Variants in GRIN2A observed in about 807,000 individuals in gnomAD.
GRIN2A encodes the protein glutamate ionotropic receptor NMDA type subunit 2A, also known as glutamate receptor ionotropic, NMDA 2A.
Under a neutral mutation model 113.4 loss-of-function variants are expected in GRIN2A, and 22 were observed. The observed-to-expected ratio is 0.19, with a 90% CI of 0.14 to 0.28. GRIN2A has a LOEUF of 0.28. GRIN2A is among the 10% of genes least tolerant of loss of function. The pLI is 1.00. For missense variants in GRIN2A, 1,502 were observed against 1,887.0 expected, an observed-to-expected ratio of 0.80 and a Z score of 3.78; for synonymous variants, 827 against 738.4, an observed-to-expected ratio of 1.12 and a Z score of -1.94.
Position 10,180,477 on chromosome 16 carries a change from A to G in GRIN2A, c.-18-48T>C. ...CAGGGCCGCGGTGAGCAAGGCGACC[A>G]GAAGAAAGGGATTACCAACTTGGCT... On this transcript the variant is annotated intron_variant, in intron 1 of 12. Transcript: ENST00000330684. This position sits in a 1 kb window ranked among gnomAD's most constrained non-coding sequence, Gnocchi z 7.0. 7 of 1,557,562 alleles carry G rather than the reference A, an allele frequency of 4.5e-6. No individual in the cohort carries two copies. Among genetic ancestry groups the G allele is most frequent in the African/African-American group, 1.3e-5 (1 of 74,128 alleles).
chr16:9,830,868 G>A (rs762721940), intron 8 of GRIN2A, among the ~76,000 whole-genome samples: 2 of 152,320 alleles, frequency 1.3e-5, no homozygotes, highest in Non-Finnish European at 2.9e-5. Flanking sequence ...CAAGAGGCAG[G>A]AAATTCTTGG....
chr16:10,041,321 A>G (rs996313670), intron 2 of GRIN2A, among the ~76,000 whole-genome samples: 1 of 152,190 alleles, frequency 6.6e-6, no homozygotes, highest in African/African-American at 2.4e-5. Flanking sequence ...CATATTTTCA[A>G]TGTATTGGGT....
chr16:10,011,783 C>G (rs1332018378), intron 2 of GRIN2A, among the ~76,000 whole-genome samples: 1 of 152,154 alleles, frequency 6.6e-6, no homozygotes, highest in African/African-American at 2.4e-5. Flanking sequence ...ATGACGTTCA[C>G]CAAGCATCGT....
At chr16:9,779,042 G>A (rs1191519138) in intron 11 of GRIN2A, among the ~76,000 whole-genome samples, 2 of 152,366 alleles carry the variant, frequency 1.3e-5, no homozygotes, top group South Asian at 4.1e-4. Flanking sequence ...CAAGAATGAA[G>A]AGTCAGCCCG....
intron 2 of GRIN2A, among the ~76,000 whole-genome samples, chr16:9,989,429 TA>T (rs35351973): frequency 0.73 from 110,848 of 151,922 alleles, 40,542 homozygotes; most frequent in Middle Eastern, 0.83. Context: ...CCTCAAACTA[TA>T]AAAAAATCCT....
At chr16:10,056,678 G>C (rs1295008836) in intron 2 of GRIN2A, among the ~76,000 whole-genome samples, 1 of 152,078 alleles carries the variant, frequency 6.6e-6, no homozygotes, top group African/African-American at 2.4e-5. Context: ...CACACACAAG[G>C]AGAAGGCCAC....
At chr16:9,965,123 T>C (rs1362116190) in intron 2 of GRIN2A, among the ~76,000 whole-genome samples, 2 of 152,188 alleles carry the variant, frequency 1.3e-5, no homozygotes, top group Non-Finnish European at 2.9e-5. Flanking sequence ...GAGTTTCCAT[T>C]TAGGCAAAAG....
chr16:10,042,585 C>T (rs750082724), intron 2 of GRIN2A, among the ~76,000 whole-genome samples: 2 of 152,156 alleles, frequency 1.3e-5, no homozygotes, highest in Admixed American at 6.5e-5. Flanking sequence ...TCCACATAAT[C>T]AGTAAGATAA....
intron 2 of GRIN2A, among the ~76,000 whole-genome samples, chr16:9,950,973 T>A (rs967226638): frequency 2.6e-5 from 4 of 152,216 alleles, no homozygotes; most frequent in Non-Finnish European, 4.4e-5. Flanking sequence ...ATGTCAAAAC[T>A]AATTAATTTA....
intron 2 of GRIN2A, among the ~76,000 whole-genome samples, chr16:10,091,457 T>TACACAC (rs35961930): frequency 7.5e-5 from 11 of 145,732 alleles, no homozygotes; most frequent in African/African-American, 2.5e-4. Flanking sequence ...TGTGTGTGTA[T>TACACAC]ACACACACAC....
chr16:9,926,496 A>G (rs1257664266), intron 3 of GRIN2A, among the ~76,000 whole-genome samples: 2 of 152,214 alleles, frequency 1.3e-5, no homozygotes, highest in African/African-American at 4.8e-5. Context: ...TATGTTGTAC[A>G]CACTTCCAGT....
intron 3 of GRIN2A, among the ~76,000 whole-genome samples, chr16:9,910,044 C>G (rs949454875): frequency 6.6e-6 from 1 of 152,164 alleles, no homozygotes; most frequent in Non-Finnish European, 1.5e-5. Context: ...ATATTTCATT[C>G]CTTTATGGCT....
At chr16:9,784,423 T>C (rs1166869735) in intron 11 of GRIN2A, among the ~76,000 whole-genome samples, 2 of 126,608 alleles carry the variant, frequency 1.6e-5, no homozygotes, top group Non-Finnish European at 3.3e-5. Flanking sequence ...AGAGCAAAAC[T>C]CTAACAACAA....
chr16:10,039,805 GGGGGAGAAA>G (rs2047113666), intron 2 of GRIN2A, among the ~76,000 whole-genome samples: 1 of 108,442 alleles, frequency 9.2e-6, no homozygotes, highest in African/African-American at 3.4e-5. Flanking sequence ...AGGGGGAGGG[GGGGGAGAAA>G]GAGAGAGAGA....
intron 5 of GRIN2A, among the ~76,000 whole-genome samples, chr16:9,847,711 T>G (rs1218590286): frequency 2.0e-5 from 3 of 149,390 alleles, no homozygotes; most frequent in Admixed American, 1.3e-4. Context: ...AAATATGTAA[T>G]GTTTTATATA....
intron 2 of GRIN2A, among the ~76,000 whole-genome samples, chr16:10,146,978 G>C (rs1229261410): frequency 6.6e-6 from 1 of 152,114 alleles, no homozygotes; most frequent in Non-Finnish European, 1.5e-5. Context: ...TCTCAGCAAA[G>C]ATCAGGCATG....
At chr16:9,876,927 C>T (rs770014819) in intron 4 of GRIN2A, among the ~76,000 whole-genome samples, 13 of 152,230 alleles carry the variant, frequency 8.5e-5, no homozygotes, top group East Asian at 3.9e-4. Flanking sequence ...CTAAAGAATA[C>T]GAGTTAAGTC....
In GRIN2A at chr16:9,798,374, C is replaced by G. The variant is rs1282411841; in HGVS notation, c.2259G>C (p.Gly753=). ...EGCKLVTIGS[G]YIFATTGYGI... is the part of the protein sequence containing the mutation. ...CATAACCGGTGGTGGCAAAGATGTA[C>G]CCACTCCCGATGGTCACCAGCTTGC... Residue 753 remains glycine (G), a synonymous_variant, in exon 11 of 13, where the codon GGG becomes GGC. Coordinates refer to ENST00000330684, the MANE Select transcript of GRIN2A (RefSeq NM_001134407.3). 1 of 1,613,662 alleles carries G rather than the reference C, an allele frequency of 6.2e-7. No individual in the cohort carries two copies. Among genetic ancestry groups the G allele is most frequent in the Admixed American group, 1.7e-5 (1 of 59,986 alleles).
chr16:9,999,733 G>GTA (rs765221742), intron 2 of GRIN2A, among the ~76,000 whole-genome samples: 21 of 151,978 alleles, frequency 1.4e-4, no homozygotes, highest in Non-Finnish European at 2.1e-4. Context: ...AGAACTGAAA[G>GTA]TATATATATA....
Sources: gnomAD v4.1 joint callset for allele counts (sites outside exome capture counted in the v4.1 genomes callset) on GRCh38, gnomAD v4.1.1 for gene constraint, Gnocchi (gnomAD v3.1) non-coding constraint, MANE v1.5 for transcripts, NCBI Gene and HGNC (gene_info 2026-07-23, HGNC 2026-07-21) for gene names.